Variants in NOC3L observed in about 807,000 individuals in gnomAD.
NOC3L encodes the protein nucleolar complex protein 3 homolog.
A neutral mutation model predicts 102.5 loss-of-function variants in NOC3L; 85 were observed. The observed-to-expected ratio is 0.83, with a 90% CI of 0.70 to 0.99. The LOEUF is 0.99. NOC3L is among the 50% of genes least tolerant of loss of function. The pLI, the probability that NOC3L is intolerant of heterozygous loss-of-function variation, is 0.00. For synonymous variants in NOC3L, 303 were observed against 309.4 expected (o/e 0.98, Z 0.22); for missense variants, 878 against 914.9 (o/e 0.96, Z 0.52).
chr10:94,342,458 C>T (rs370002993), intron 13 of NOC3L, among the ~76,000 whole-genome samples: 1 of 151,844 alleles, frequency 6.6e-6, no homozygotes, highest in Non-Finnish European at 1.5e-5. Context: ...CATATCGGTA[C>T]AACTTTTTGG....
At position 94,344,833 on chromosome 10, in the gene NOC3L, CAG is replaced by C; in HGVS notation, c.1470+18_1470+19del. The C allele has an allele frequency of 6.5e-7, 1 of 1,548,780 alleles. No individual in the cohort carries two copies. The highest frequency in any genetic ancestry group is 8.8e-7 in the Non-Finnish European group (1 of 1,140,532). On this transcript the variant is annotated intron_variant, in intron 12 of 20. Coordinates refer to ENST00000371361, the MANE Select transcript of NOC3L (RefSeq NM_022451.11). Reference sequence around the variant, plus strand: ...AACTTAACGCATTTTAAAAGCATAACAGAATATGAAACTGCCTACCAGTTTAA... The same window carrying C: ...AACTTAACGCATTTTAAAAGCATAACAATATGAAACTGCCTACCAGTTTAA...
chr10:94,341,487 G>A (rs2054284897), intron 14 of NOC3L, among the ~76,000 whole-genome samples, 186 bp downstream of exon 14: 2 of 150,610 alleles, frequency 1.3e-5, no homozygotes, highest in African/African-American at 4.9e-5. Flanking sequence ...ACTCTCCAAT[G>A]GTTGAAAACG....
chr10:94,328,661 T>C (rs2054116641), downstream of NOC3L: 3 of 152,264 alleles, frequency 2.0e-5, no homozygotes, highest in Admixed American at 2.0e-4. Context: ...CTTTGGGGCA[T>C]TTCAAGTGTA....
chr10:94,317,696 A>T, the NOC3L span, among the ~76,000 whole-genome samples: 1 of 152,212 alleles, frequency 6.6e-6, no homozygotes, highest in African/African-American at 2.4e-5. Flanking sequence ...GTTGACTCCA[A>T]ACTGATTGGC....
chr10:94,336,785 C>T (rs1308429307), intron 19 of NOC3L, among the ~76,000 whole-genome samples: 2 of 151,574 alleles, frequency 1.3e-5, no homozygotes, highest in Non-Finnish European at 2.9e-5. Context: ...AAGGTAATTA[C>T]TGGCTGGGCA....
At chr10:94,332,829 C>T (rs1471916797), downstream of NOC3L, 1 of 152,096 alleles carries the variant, frequency 6.6e-6, no homozygotes, top group Non-Finnish European at 1.5e-5. Flanking sequence ...ATGTATTGGT[C>T]ACTTGTGCTC....
downstream of NOC3L, chr10:94,331,479 A>G (rs1354269375): frequency 2.0e-5 from 3 of 152,132 alleles, no homozygotes; most frequent in Non-Finnish European, 2.9e-5. Context: ...ACAAAACTCC[A>G]CATCTATGCT....
chr10:94,321,865 C>G, the NOC3L span: 1 of 1,508,762 alleles, frequency 6.6e-7, no homozygotes, highest in African/African-American at 1.4e-5. Flanking sequence ...CTGCATAAAC[C>G]TATTATTTAC....
chr10:94,349,768 A>AT (rs1042638835), intron 9 of NOC3L, among the ~76,000 whole-genome samples: 14 of 151,556 alleles, frequency 9.2e-5, no homozygotes, highest in African/African-American at 2.9e-4. Context: ...TCATTTATTT[A>AT]TTTTTTTTGA....
At chr10:94,338,829 A>G (rs1296070612) in intron 17 of NOC3L, 93 bp from the exon 18 acceptor site, 24 of 1,099,608 alleles carry the variant, frequency 2.2e-5, no homozygotes, top group Non-Finnish European at 3.1e-5. Context: ...ATTTAAATTT[A>G]TGGTTGTATA....
At chr10:94,343,034 A>G (rs556377434) in intron 13 of NOC3L, among the ~76,000 whole-genome samples, 2 of 151,728 alleles carry the variant, frequency 1.3e-5, no homozygotes, top group African/African-American at 4.9e-5. Context: ...TAGTCAGCTC[A>G]GATTACGTCA....
chr10:94,341,805 T>C, intron 13 of NOC3L, 60 bp from the exon 14 acceptor site: 1 of 998,670 alleles, frequency 1.0e-6, no homozygotes, highest in Non-Finnish European at 1.5e-6. Flanking sequence ...CTGGTAGAAA[T>C]TAAGCTTGAC....
chr10:94,347,781 T>A (rs1044184911), intron 10 of NOC3L, among the ~76,000 whole-genome samples: 1 of 152,112 alleles, frequency 6.6e-6, no homozygotes, highest in Non-Finnish European at 1.5e-5. Context: ...CAAGATATGA[T>A]ATTCTTGAAT....
At position 94,344,948 on chromosome 10, in the gene NOC3L, A is replaced by C. The variant is rs2054326502; in HGVS notation, c.1390-15T>G. On this transcript the variant is annotated splice_polypyrimidine_tract_variant and intron_variant, in intron 11 of 20. Transcript: ENST00000371361. The stretch of plus-strand genomic sequence containing the variant: ...GCTTTCTTCCACTGAAAATAGATTG[A>C]AAAACAAAAATCTAAGAGCATATAC... The C allele has an allele frequency of 3.1e-6, 5 of 1,588,876 alleles. No homozygotes were observed. The highest frequency in any genetic ancestry group is 4.3e-6 in the Non-Finnish European group (5 of 1,169,084).
At chr10:94,322,207 A>C in the NOC3L span, 2 of 777,866 alleles carry the variant, frequency 2.6e-6, no homozygotes, top group African/African-American at 3.4e-5. Flanking sequence ...AGGCTGGGAA[A>C]TTGCCTCACA....
chr10:94,344,446 G>C lies in NOC3L; in HGVS notation c.1540C>G (p.Leu514Val). The C allele has an allele frequency of 6.2e-7, 1 of 1,613,620 alleles. No homozygotes were observed. Among genetic ancestry groups the C allele is most frequent in the Non-Finnish European group, 8.5e-7 (1 of 1,179,588 alleles). The stretch of plus-strand genomic sequence containing the variant: ...AGACCTTCTAGAACTGCTGGCAGGA[G>C]AGGTGACCTCTGGGCCTTCTTCAAT... ...RILKKAQRSPLLPAVLEGLAK... is the reference protein window; with the variant it reads ...RILKKAQRSPVLPAVLEGLAK... Residue 514 changes from leucine (L) to valine (V), a missense_variant, in exon 13 of 21, where the codon CTC (leucine) becomes GTC (valine). By Grantham distance (32) the Leu-to-Val change is conservative. Coordinates refer to ENST00000371361, the MANE Select transcript of NOC3L (RefSeq NM_022451.11).
At chr10:94,352,218 C>A in intron 8 of NOC3L, 92 bp downstream of exon 8, 1 of 785,090 alleles carries the variant, frequency 1.3e-6, no homozygotes, top group African/African-American at 1.8e-5. Context: ...ACCATACCTG[C>A]CTCTCACTAC....
At chr10:94,338,577 C>A in intron 18 of NOC3L, 31 bp downstream of exon 18, 2 of 1,464,914 alleles carry the variant, frequency 1.4e-6, no homozygotes, top group South Asian at 1.6e-5. Flanking sequence ...ACAAACATCC[C>A]CAAAAAGAAA....
Position 94,357,316 on chromosome 10 carries a change from C to T in NOC3L, c.366G>A (p.Ala122=), listed in dbSNP as rs1387391725. Residue 122 remains alanine, a synonymous_variant, in exon 4 of 21, where the codon GCG becomes GCA. Transcript: ENST00000371361. ...RDLSSSEPVH[A]KKRKHERIID... ...TAATGCGTTCATGCTTCCGTTTCTT[C>T]GCATGAACAGGCTCACTGCAGGGGA... 1.1e-5 allele frequency: 17 copies of T among 1,595,124 alleles called. No individual in the cohort carries two copies. Among genetic ancestry groups the T allele is most frequent in the South Asian group, 3.4e-5 (3 of 87,000 alleles).
Sources: allele counts gnomAD v4.1 joint callset (sites outside exome capture counted in the v4.1 genomes callset), GRCh38; gene constraint gnomAD v4.1.1; transcripts MANE v1.5; gene names NCBI Gene and HGNC (gene_info 2026-07-23, HGNC 2026-07-21).